SP7: variants seen among roughly 807,000 people sequenced by gnomAD.
The protein encoded by SP7 is transcription factor Sp7.
In SP7, 13 loss-of-function variants were observed where a neutral mutation model predicts 27.9. That is an observed-to-expected ratio of 0.47 (90% CI 0.30 to 0.74). The LOEUF is 0.74. Among genes scored for constraint, SP7 ranks in the 30% least tolerant of loss-of-function variants. The probability of loss-of-function intolerance (pLI) is 0.06; values close to 1 mark genes in which losing one functional copy is unlikely to be tolerated. For missense variants in SP7, 525 were observed against 558.0 expected (o/e 0.94, Z 0.60); for synonymous variants, 219 against 226.7 (o/e 0.97, Z 0.31).
intron 2 of SP7, among the ~76,000 whole-genome samples, chr12:53,334,723 G>A (rs566622627): frequency 1.3e-5 from 2 of 152,188 alleles, no homozygotes; most frequent in Non-Finnish European, 2.9e-5. Flanking sequence ...GCCCTGAGTG[G>A]CTGTGAGCCC....
chr12:53,337,061 C>T (rs954589428), upstream of SP7, among the ~76,000 whole-genome samples: 6 of 152,166 alleles, frequency 3.9e-5, no homozygotes, highest in African/African-American at 1.4e-4. Context: ...TGGGTCAACT[C>T]ATTCATGCCG....
Position 53,328,148 on chromosome 12 carries a change from A to G in SP7, c.1294T>C (p.Ter432ArgextTer156). ...GGGTGGGAGACCTTCCACCCGGCTC[A>G]GATCTCCAGCAAGTTGCTCTGCTCA... Reference protein sequence around the residue: ...SPEQSNLLEI* With the variant: ...SPEQSNLLEIR Residue 432 changes from the stop codon to arginine (R), a stop_lost, in exon 3 of 3, where the codon TGA (stop) becomes CGA (arginine). Coordinates refer to ENST00000536324, the MANE Select transcript of SP7 (RefSeq NM_001173467.3). The surrounding 1 kb of genome is among the most constrained non-coding windows in gnomAD (Gnocchi z 5.1). The G allele has an allele frequency of 6.2e-7, 1 of 1,609,042 alleles. No individual in the cohort carries two copies. Among genetic ancestry groups the G allele is most frequent in the Non-Finnish European group, 8.5e-7 (1 of 1,178,314 alleles).
chr12:53,328,091 G>T lies in SP7; in HGVS notation c.*55C>A. On this transcript the variant is annotated 3_prime_UTR_variant, in exon 3 of 3. Coordinates refer to ENST00000536324, the MANE Select transcript of SP7 (RefSeq NM_001173467.3). This position sits in a 1 kb window ranked among gnomAD's most constrained non-coding sequence, Gnocchi z 5.1. ...AGAGTGATTGGCAAGCAGTGGTCTA[G>T]AGAGCCAAGAGAGACTGTCAGGGCA... The T allele has an allele frequency of 1.3e-6, 2 of 1,492,218 alleles. No homozygotes were observed. The highest frequency in any genetic ancestry group is 9.0e-7 in the Non-Finnish European group (1 of 1,114,484). The allele number at this position is 1,492,218 out of a possible 1,614,324, so 92.4% of individuals were successfully genotyped here.
intron 2 of SP7, among the ~76,000 whole-genome samples, chr12:53,331,999 C>T (rs1266593852): frequency 6.6e-6 from 1 of 152,168 alleles, no homozygotes; most frequent in Non-Finnish European, 1.5e-5. Flanking sequence ...TCTAAGGTCC[C>T]GTTGACTCCC....
intron 2 of SP7, among the ~76,000 whole-genome samples, chr12:53,332,266 T>TG (rs555386548): frequency 6.6e-6 from 1 of 151,916 alleles, no homozygotes; most frequent in African/African-American, 2.4e-5. Flanking sequence ...CCCATAGCAA[T>TG]GGGGGAAGGA....
chr12:53,329,398 C>T lies in SP7; in HGVS notation c.44G>A (p.Ser15Asn), dbSNP rs758002247. ...CGCTGCCGTCAGCATGGCCAGGGGA[C>T]TGGAGCCATAGTGAACTTCCTCCTG... is the stretch of plus-strand genomic sequence containing the variant. ...LLEEEVHYGS[S>N]PLAMLTAACS... Residue 15 changes from serine to asparagine, a missense_variant, in exon 3 of 3, where the codon AGT (serine) becomes AAT (asparagine). Transcript: ENST00000536324. 3 of 1,613,944 alleles carry T rather than the reference C, an allele frequency of 1.9e-6. No individual in the cohort carries two copies. The highest frequency in any genetic ancestry group is 2.5e-6 in the Non-Finnish European group (3 of 1,179,852).
intron 2 of SP7, among the ~76,000 whole-genome samples, chr12:53,333,278 T>C (rs1197928499): frequency 6.6e-6 from 1 of 152,158 alleles, no homozygotes; most frequent in African/African-American, 2.4e-5. Context: ...TGTGTTCCCT[T>C]TCCAGGGCCC....
rs1944655497 is a variant in SP7 at position 53,328,237 on chromosome 12, GCCT to G, written c.1202_1204del (p.Glu401del). 1.2e-6 allele frequency: 2 copies of G among 1,612,712 alleles called. No individual in the cohort carries two copies. Among genetic ancestry groups the G allele is most frequent in the Non-Finnish European group, 1.7e-6 (2 of 1,179,448 alleles). The stretch of plus-strand genomic sequence containing the variant: ...GGCAGAAGGTCGGGGCGTCTGACTG[GCCT>G]CCTCTTCCCCCGTGCTGCGGCCCTC... On this transcript the variant is annotated inframe_deletion, in exon 3 of 3. Transcript: ENST00000536324. This position sits in a 1 kb window ranked among gnomAD's most constrained non-coding sequence, Gnocchi z 5.1.
At position 53,329,231 on chromosome 12, in the gene SP7, T is replaced by C; in HGVS notation, c.211A>G (p.Thr71Ala). The C allele has an allele frequency of 1.2e-6, 2 of 1,613,674 alleles. No individual in the cohort carries two copies. Among genetic ancestry groups the C allele is most frequent in the Non-Finnish European group, 8.5e-7 (1 of 1,179,848 alleles). ...CCTGCAGGTGAAAGGAGCCCATTAG[T>C]GCTTGTAAAGGGGGCTGGATAAGCA... Reference protein sequence around the residue: ...GDAYPAPFTSTNGLLSPAGSP... With the variant: ...GDAYPAPFTSANGLLSPAGSP... Residue 71 changes from threonine (T) to alanine (A), a missense_variant, in exon 3 of 3, where the codon ACT (threonine) becomes GCT (alanine). By Grantham distance (58) the Thr-to-Ala change is moderately conservative (BLOSUM62 0). Coordinates refer to ENST00000536324, the MANE Select transcript of SP7 (RefSeq NM_001173467.3).
At chr12:53,334,217 C>A (rs573124370) in intron 2 of SP7, among the ~76,000 whole-genome samples, 1 of 152,184 alleles carries the variant, frequency 6.6e-6, no homozygotes, top group African/African-American at 2.4e-5. Context: ...GACGTGGTGT[C>A]CATCTGGTTG....
intron 2 of SP7, among the ~76,000 whole-genome samples, chr12:53,335,112 C>T (rs535559068): frequency 1.3e-5 from 2 of 152,018 alleles, no homozygotes; most frequent in African/African-American, 2.4e-5. Context: ...CACCAGCTCA[C>T]GGGCCCAGCC....
chr12:53,338,998 G>A (rs531296649), upstream of SP7, among the ~76,000 whole-genome samples: 118 of 152,252 alleles, frequency 7.8e-4, 3 homozygotes, highest in South Asian at 0.024. Flanking sequence ...CCTAACCAAG[G>A]ACCTACCTCC....
chr12:53,334,372 ACACT>A (rs1388256195), intron 2 of SP7, among the ~76,000 whole-genome samples: 3 of 139,230 alleles, frequency 2.2e-5, no homozygotes, highest in African/African-American at 7.7e-5. Flanking sequence ...ACACACACAC[ACACT>A]CTCAGGGCCT....
Position 53,328,365 on chromosome 12 carries a change from G to A in SP7, c.1077C>T (p.Cys359=). 1.2e-6 allele frequency: 2 copies of A among 1,613,390 alleles called. No homozygotes were observed. Among genetic ancestry groups the A allele is most frequent in the Non-Finnish European group, 1.7e-6 (2 of 1,179,446 alleles). The change falls in exon 3 of 3, where the codon TGC becomes TGT. Residue 359 remains cysteine (C), a synonymous_variant. Coordinates refer to ENST00000536324, the MANE Select transcript of SP7 (RefSeq NM_001173467.3). The surrounding 1 kb of genome is among the most constrained non-coding windows in gnomAD (Gnocchi z 5.1). ...GGTCGCTTCGGGTAAAGCGCTTGGAGCAGAGCAGGCAGGTGAACTTCTTCT... is the reference window on the plus strand; with the variant it reads ...GGTCGCTTCGGGTAAAGCGCTTGGAACAGAGCAGGCAGGTGAACTTCTTCT... ...TREKKFTCLL[C]SKRFTRSDHL...
chr12:53,339,198 C>T (rs530573586), upstream of SP7, among the ~76,000 whole-genome samples: 50 of 152,310 alleles, frequency 3.3e-4, no homozygotes, highest in Admixed American at 1.0e-3. Context: ...GCCACCCAGA[C>T]GCTGAGCTCC....
At chr12:53,341,191 C>T (rs1444169063), upstream of SP7, among the ~76,000 whole-genome samples, 1 of 152,214 alleles carries the variant, frequency 6.6e-6, no homozygotes, top group Non-Finnish European at 1.5e-5. Flanking sequence ...GTCTCCCCAT[C>T]CCCTCTTCCA....
At chr12:53,330,153 A>G (rs972652837) in intron 2 of SP7, among the ~76,000 whole-genome samples, 8 of 152,192 alleles carry the variant, frequency 5.3e-5, no homozygotes, top group African/African-American at 1.9e-4. Context: ...GGTTCAAGCA[A>G]TTCTCCTGCC....
At position 53,328,049 on chromosome 12, in the gene SP7, G is replaced by C. The variant is rs77121517; in HGVS notation, c.*97C>G. 8 of 1,263,998 alleles carry C rather than the reference G, an allele frequency of 6.3e-6. No individual in the cohort carries two copies. The highest frequency in any genetic ancestry group is 8.6e-6 in the Non-Finnish European group (8 of 933,252). 78.3% of individuals were successfully genotyped at this position (1,263,998 alleles called of 1,614,324 possible). A position where few individuals can be genotyped will look rare whatever the true frequency, so the allele number is the denominator to read the frequency against. On this transcript the variant is annotated 3_prime_UTR_variant, in exon 3 of 3. Coordinates refer to ENST00000536324, the MANE Select transcript of SP7 (RefSeq NM_001173467.3). This position sits in a 1 kb window ranked among gnomAD's most constrained non-coding sequence, Gnocchi z 5.1. ...CAGAGGGAGAGAGCCCCGAAGGATG[G>C]CATGCATGGGGTAAAGAGAGTGATT...
At position 53,328,132 on chromosome 12, in the gene SP7, A is replaced by G; in HGVS notation, c.*14T>C. The G allele has an allele frequency of 6.3e-7, 1 of 1,595,292 alleles. No homozygotes were observed. The highest frequency in any genetic ancestry group is 1.1e-5 in the South Asian group (1 of 88,256). ...TGTCAGGGCAGCCCTGGGGTGGGAGACCTTCCACCCGGCTCAGATCTCCAG... is the reference window on the plus strand; with the variant it reads ...TGTCAGGGCAGCCCTGGGGTGGGAGGCCTTCCACCCGGCTCAGATCTCCAG... On this transcript the variant is annotated 3_prime_UTR_variant, in exon 3 of 3. Coordinates refer to ENST00000536324, the MANE Select transcript of SP7 (RefSeq NM_001173467.3). This position sits in a 1 kb window ranked among gnomAD's most constrained non-coding sequence, Gnocchi z 5.1.
Sources: allele counts gnomAD v4.1 joint callset (sites outside exome capture counted in the v4.1 genomes callset), GRCh38; gene constraint gnomAD v4.1.1; non-coding constraint Gnocchi (gnomAD v3.1); transcripts MANE v1.5; gene names NCBI Gene and HGNC (gene_info 2026-07-23, HGNC 2026-07-21).